PLEKHG2: variants seen among roughly 807,000 people sequenced by gnomAD.
The protein encoded by PLEKHG2 is pleckstrin homology domain-containing family G member 2.
In PLEKHG2, 71 loss-of-function variants were observed where a neutral mutation model predicts 104.4. The observed-to-expected ratio is 0.68, with a 90% confidence interval of 0.56 to 0.83. The LOEUF (loss-of-function observed/expected upper bound fraction) is 0.83, where lower values mean the gene tolerates loss of function less well. Ranked by LOEUF, PLEKHG2 falls within the 40% of genes least tolerant of loss-of-function variation. The probability of loss-of-function intolerance (pLI) is 0.00; values close to 1 mark genes in which losing one functional copy is unlikely to be tolerated. For synonymous variants in PLEKHG2, 728 were observed against 737.0 expected (o/e 0.99, Z 0.20); for missense variants, 1,730 against 1,809.4 (o/e 0.96, Z 0.80).
chr19:39,421,766 C>T lies in PLEKHG2; in HGVS notation c.1504-349C>T, dbSNP rs765002474. 1.2e-4 allele frequency: 26 copies of T among 225,130 alleles called. No individual in the cohort carries two copies. The South Asian group carries it at 1.2e-3, about 10-fold the overall frequency. The allele number at this position is 225,130 out of a possible 1,614,324, so 13.9% of individuals were successfully genotyped here. ...AGGTACGGTGGCTCACCTGTAATCC[C>T]AGCACTTTGGGAGGCCGAGGTAGGT... On this transcript the variant is annotated intron_variant, in intron 16 of 18. Coordinates refer to ENST00000425673, the MANE Select transcript of PLEKHG2 (RefSeq NM_022835.3).
chr19:39,417,089 C>T lies in PLEKHG2; in HGVS notation c.744+89C>T, dbSNP rs1186311587. On this transcript the variant is annotated intron_variant, in intron 7 of 18. Transcript: ENST00000425673. Reference sequence around the variant, plus strand: ...GTTCATCTGGAGGATGGACCCCCCACGAGTTGGGCAAGGCCTCCCAAAGTG... The same window carrying T: ...GTTCATCTGGAGGATGGACCCCCCATGAGTTGGGCAAGGCCTCCCAAAGTG... 6 of 1,432,620 alleles carry T rather than the reference C, an allele frequency of 4.2e-6. No homozygotes were observed. The South Asian group carries it at 5.6e-5, about 13-fold the overall frequency. The allele number at this position is 1,432,620 out of a possible 1,614,324, so 88.7% of individuals were successfully genotyped here.
rs1344994043 is a variant in PLEKHG2, at chr19:39,422,125, G to A, written c.1514G>A (p.Ser505Asn). ...NAKPGFKHAG[S>N]EGELYPPESQ... is the part of the protein sequence containing the mutation. ...TTTCCCTCCTCACAGCACGCTGGCA[G>A]CGAAGGGGAACTCTACCCTCCAGAA... Residue 505 changes from serine to asparagine, a missense_variant, in exon 17 of 19, where the codon AGC (serine) becomes AAC (asparagine). Physicochemically the swap from Ser to Asn is conservative, Grantham distance 46. Coordinates refer to ENST00000425673, the MANE Select transcript of PLEKHG2 (RefSeq NM_022835.3). 6.2e-7 allele frequency: 1 copy of A among 1,609,122 alleles called. No individual in the cohort carries two copies. Among genetic ancestry groups the A allele is most frequent in the Non-Finnish European group, 8.5e-7 (1 of 1,177,934 alleles).
chr19:39,424,254 CAAG>C lies in PLEKHG2; in HGVS notation c.3125_3127del (p.Glu1042del). ...TTCAGTCACCACCCCTGTGCCCAAGCAAGAAGGTCACCTAGACAGCGAGAGCCC... is the reference window on the plus strand; with the variant it reads ...TTCAGTCACCACCCCTGTGCCCAAGCAAGGTCACCTAGACAGCGAGAGCCC... On this transcript the variant is annotated inframe_deletion, in exon 19 of 19. Transcript: ENST00000425673. The C allele has an allele frequency of 4.3e-6, 7 of 1,614,152 alleles. No individual in the cohort carries two copies. The highest frequency in any genetic ancestry group is 5.9e-6 in the Non-Finnish European group (7 of 1,180,032).
chr19:39,419,944 T>G (rs1010877926), intron 11 of PLEKHG2, among the ~76,000 whole-genome samples: 1 of 151,612 alleles, frequency 6.6e-6, no homozygotes, highest in East Asian at 1.9e-4. Flanking sequence ...TCCCAGCTAC[T>G]AGGGAGGCTG....
Position 39,425,346 on chromosome 19 carries a change from C to A in PLEKHG2, c.*52C>A, listed in dbSNP as rs753968979. ...AAGGATTTCAGCCAGATGCCATAGA[C>A]CCTCAGAACTTGACCTGGAAGTCCA... On this transcript the variant is annotated 3_prime_UTR_variant, in exon 19 of 19. Transcript: ENST00000425673. 2 of 1,557,682 alleles carry A rather than the reference C, an allele frequency of 1.3e-6. No individual in the cohort carries two copies. Among genetic ancestry groups the A allele is most frequent in the Non-Finnish European group, 1.7e-6 (2 of 1,155,344 alleles).
At chr19:39,418,133 A>G in intron 9 of PLEKHG2, 28 bp downstream of exon 9, 1 of 1,470,864 alleles carries the variant, frequency 6.8e-7, no homozygotes, top group Non-Finnish European at 9.0e-7. Context: ...GTGGGGCTAG[A>G]ATACTACCTA....
In PLEKHG2 at chr19:39,424,567, C is replaced by A. The variant is rs1023723491; in HGVS notation, c.3434C>A (p.Pro1145His). The A allele has an allele frequency of 5.6e-6, 9 of 1,614,050 alleles. No individual in the cohort carries two copies. The African/African-American group carries it at 1.2e-4, about 22-fold the overall frequency. ...LPDTQVPATT[P>H]LPLPQVLTDI... is the part of the protein sequence containing the mutation. ...GACACTCAGGTTCCAGCTACCACAC[C>A]TTTGCCCCTGCCACAAGTCCTCACA... The change falls in exon 19 of 19, where the codon CCT becomes CAT. Residue 1145 changes from proline (P) to histidine (H), a missense_variant. By Grantham distance (77) the Pro-to-His change is moderately conservative. Coordinates refer to ENST00000425673, the MANE Select transcript of PLEKHG2 (RefSeq NM_022835.3).
At position 39,422,480 on chromosome 19, in the gene PLEKHG2, C is replaced by T. The variant is rs112766382; in HGVS notation, c.1677+192C>T. On this transcript the variant is annotated intron_variant, in intron 17 of 18. Transcript: ENST00000425673. ...GCAAGCTCTGCCTCCCAGGTTCAAG[C>T]GATTCTCCTGCCTCAGCCTCCTGAG... Among the ~76,000 whole-genome samples, 1,719 of 151,992 alleles carry T rather than the reference C, an allele frequency of 0.011. 25 individuals are homozygous for T. Among genetic ancestry groups the T allele is most frequent in the African/African-American group, 0.04 (1,652 of 41,436 alleles).
At position 39,424,495 on chromosome 19, in the gene PLEKHG2, A is replaced by G. The variant is rs2078752338; in HGVS notation, c.3362A>G (p.His1121Arg). The G allele has an allele frequency of 6.2e-7, 1 of 1,613,908 alleles. No homozygotes were observed. Among genetic ancestry groups the G allele is most frequent in the Admixed American group, 1.7e-5 (1 of 59,972 alleles). The change falls in exon 19 of 19, where the codon CAT becomes CGT. Residue 1121 changes from histidine to arginine, a missense_variant. Transcript: ENST00000425673. ...CCTGCACATGGAAGCCACCTGGACC[A>G]TCGGATCCCAGCCAACGCCCCACTG... ...PLPAHGSHLD[H>R]RIPANAPLSL...
Position 39,418,081 on chromosome 19 carries a change from G to A in PLEKHG2, c.1059G>A (p.Glu353=), listed in dbSNP as rs779693409. 2 of 1,523,216 alleles carry A rather than the reference G, an allele frequency of 1.3e-6. No individual in the cohort carries two copies. Among genetic ancestry groups the A allele is most frequent in the Non-Finnish European group, 1.8e-6 (2 of 1,136,896 alleles). The allele number at this position is 1,523,216 out of a possible 1,614,324, so 94.4% of individuals were successfully genotyped here. ...MLLVAKRRGL[E]YTYKGHIFCC... ...TGGTGGCCAAGCGCAGGGGGCTGGA[G>A]TACACCTACAAAGGCCACATCTTCG... is the stretch of plus-strand genomic sequence containing the variant. Residue 353 remains glutamate (E), a synonymous_variant, in exon 9 of 19, where the codon GAG becomes GAA. Transcript: ENST00000425673.
chr19:39,418,631 TC>T (rs2078647815), intron 9 of PLEKHG2, 102 bp from the exon 10 acceptor site: 1 of 873,680 alleles, frequency 1.1e-6, no homozygotes, highest in East Asian at 2.5e-5. Flanking sequence ...GGATGCATCT[TC>T]CTAGGGAGGA....
rs764119690 is a variant in PLEKHG2 at position 39,420,989 on chromosome 19, G to A, written c.1440G>A (p.Arg480=). 1.9e-6 allele frequency: 3 copies of A among 1,613,948 alleles called. No homozygotes were observed. In the Admixed American group the frequency reaches 5.0e-5, roughly 27 times the overall value. Reference sequence around the variant, plus strand: ...CCTCTGTGATTCGCCGAGGCCGCAGGCAGTCTGGTGAGCACTCACCCCTAA... The same window carrying A: ...CCTCTGTGATTCGCCGAGGCCGCAGACAGTCTGGTGAGCACTCACCCCTAA... ...PGPSVIRRGR[R]QSEPVKDPYV... Residue 480 remains arginine (R), a synonymous_variant, in exon 14 of 19, where the codon AGG becomes AGA. Coordinates refer to ENST00000425673, the MANE Select transcript of PLEKHG2 (RefSeq NM_022835.3).
chr19:39,426,675 T>A lies in PLEKHG2; in HGVS notation c.*1381T>A, dbSNP rs1425158353. The A allele has an allele frequency of 6.6e-6, 1 of 152,184 alleles. No individual in the cohort carries two copies. The allele number at this position is 152,184 out of a possible 1,614,324, so 9.4% of individuals were successfully genotyped here. A position where few individuals can be genotyped will look rare whatever the true frequency, so the allele number is the denominator to read the frequency against. ...CTCATCTACAAAATGAAGACAACAG[T>A]ACTTCCCTCCTGGGATCATTGAAAG... is the stretch of plus-strand genomic sequence containing the variant. On this transcript the variant is annotated 3_prime_UTR_variant, in exon 19 of 19. Coordinates refer to ENST00000425673, the MANE Select transcript of PLEKHG2 (RefSeq NM_022835.3).
chr19:39,417,852 C>T, intron 8 of PLEKHG2, 53 bp from the exon 9 acceptor site: 1 of 1,509,172 alleles, frequency 6.6e-7, no homozygotes, highest in East Asian at 2.5e-5. Context: ...ATGTGTGTGC[C>T]ACCTACCCAT....
At chr19:39,414,336 C>T in intron 2 of PLEKHG2, 141 bp downstream of exon 2, 1 of 825,028 alleles carries the variant, frequency 1.2e-6, no homozygotes, top group Admixed American at 2.3e-5. Flanking sequence ...CATCCCCAGG[C>T]AATGACAGGC....
Position 39,424,389 on chromosome 19 carries a change from G to C in PLEKHG2, c.3256G>C (p.Asp1086His), listed in dbSNP as rs1450800476. 2 of 1,613,914 alleles carry C rather than the reference G, an allele frequency of 1.2e-6. No homozygotes were observed. Among genetic ancestry groups the C allele is most frequent in the East Asian group, 4.5e-5 (2 of 44,880 alleles). Residue 1086 changes from aspartate to histidine, a missense_variant, in exon 19 of 19, where the codon GAT becomes CAT. By Grantham distance (81) the Asp-to-His change is moderately conservative. Transcript: ENST00000425673. ...TTTGTCTTGGCATGGAAGCAGCCTG[G>C]ATCCCCAGGGCCCAGGCGACACCCT... ...QPLSWHGSSL[D>H]PQGPGDTLPP...
Position 39,415,461 on chromosome 19 carries a change from C to G in PLEKHG2, c.479+22C>G, listed in dbSNP as rs759251794. The stretch of plus-strand genomic sequence containing the variant: ...GCAGGTCAGGGGCAGGGGGGACAGG[C>G]AGGGGGCATTGATTGGTTGGAGGGT... On this transcript the variant is annotated intron_variant, in intron 4 of 18. Coordinates refer to ENST00000425673, the MANE Select transcript of PLEKHG2 (RefSeq NM_022835.3). This position sits in a 1 kb window ranked among gnomAD's most constrained non-coding sequence, Gnocchi z 4.6. 6.2e-6 allele frequency: 10 copies of G among 1,612,078 alleles called. No individual in the cohort carries two copies. Among genetic ancestry groups the G allele is most frequent in the African/African-American group, 1.3e-5 (1 of 74,990 alleles).
Position 39,419,719 on chromosome 19 carries a change from T to C in PLEKHG2, c.1263+716T>C, listed in dbSNP as rs545406742. On this transcript the variant is annotated intron_variant, in intron 11 of 18. Coordinates refer to ENST00000425673, the MANE Select transcript of PLEKHG2 (RefSeq NM_022835.3). Reference sequence around the variant, plus strand: ...GGTGAAACCCCATCTCTACCAAAAATACAAAAAATTAGCCAGGCGTGGTGG... The same window carrying C: ...GGTGAAACCCCATCTCTACCAAAAACACAAAAAATTAGCCAGGCGTGGTGG... 1.5e-4 allele frequency among the ~76,000 whole-genome samples: 22 copies of C among 151,040 alleles called. 1 individual carries two copies. The Middle Eastern group carries it at 0.01, about 71-fold the overall frequency.
At position 39,416,760 on chromosome 19, in the gene PLEKHG2, G is replaced by T; in HGVS notation, c.594-90G>T. 6.7e-7 allele frequency: 1 copy of T among 1,496,848 alleles called. No individual in the cohort carries two copies. The allele number at this position is 1,496,848 out of a possible 1,614,324, so 92.7% of individuals were successfully genotyped here. A position where few individuals can be genotyped will look rare whatever the true frequency, so the allele number is the denominator to read the frequency against. On this transcript the variant is annotated intron_variant, in intron 6 of 18. Coordinates refer to ENST00000425673, the MANE Select transcript of PLEKHG2 (RefSeq NM_022835.3). The surrounding 1 kb of genome is among the most constrained non-coding windows in gnomAD (Gnocchi z 4.5). ...ACTGCCCCGCCCCCTGTCAGACCCT[G>T]ACCCTTCCCAAACCCTGGCCCCTCC...
Sources: gnomAD v4.1 joint callset for allele counts (sites outside exome capture counted in the v4.1 genomes callset) on GRCh38, gnomAD v4.1.1 for gene constraint, Gnocchi (gnomAD v3.1) non-coding constraint, MANE v1.5 for transcripts, NCBI Gene and HGNC (gene_info 2026-07-23, HGNC 2026-07-21) for gene names.